The following TMEM132B variants were observed in gnomAD, a reference collection of about 807,000 sequenced individuals.
The protein encoded by TMEM132B is transmembrane protein 132B.
TMEM132B carries 18 observed loss-of-function variants against 90.8 expected under a neutral mutation model. The observed-to-expected ratio is 0.20, with a 90% CI of 0.14 to 0.29. The LOEUF (loss-of-function observed/expected upper bound fraction) is 0.29. TMEM132B is among the 10% of genes least tolerant of loss of function. The pLI, the probability that TMEM132B is intolerant of heterozygous loss-of-function variation, is 1.00. For missense variants in TMEM132B, 1,096 were observed against 1,326.8 expected, an observed-to-expected ratio of 0.83 and a Z score of 2.70; for synonymous variants, 504 against 523.3, an observed-to-expected ratio of 0.96 and a Z score of 0.50.
chr12:125,515,711 T>A, intron 3 of TMEM132B, among the ~76,000 whole-genome samples: 1 of 150,980 alleles, frequency 6.6e-6, no homozygotes, highest in East Asian at 2.0e-4. Context: ...ACACAACACA[T>A]TCACACGTTC....
chr12:125,403,844 C>T (rs1429131743), intron 2 of TMEM132B, among the ~76,000 whole-genome samples: 1 of 152,170 alleles, frequency 6.6e-6, no homozygotes, highest in African/African-American at 2.4e-5. Flanking sequence ...CTTAGTTGAC[C>T]AGCTAAGCCC....
intron 1 of TMEM132B, among the ~76,000 whole-genome samples, chr12:125,214,130 G>A (rs1571887): frequency 0.03 from 4,501 of 152,270 alleles, 221 homozygotes; most frequent in African/African-American, 0.1. Flanking sequence ...TCAGGAGGAG[G>A]TGTTAGGACT....
intron 1 of TMEM132B, among the ~76,000 whole-genome samples, chr12:125,298,242 C>T (rs866028569): frequency 4.8e-4 from 72 of 151,124 alleles, no homozygotes; most frequent in African/African-American, 1.5e-3. Flanking sequence ...AGAGTGAGAC[C>T]CTGTCTCCAA....
intron 5 of TMEM132B, among the ~76,000 whole-genome samples, chr12:125,642,663 G>T (rs983499287): frequency 6.6e-6 from 1 of 152,182 alleles, no homozygotes; most frequent in African/African-American, 2.4e-5. Flanking sequence ...TCATTGCTTT[G>T]TGGACTGGGA....
intron 1 of TMEM132B, among the ~76,000 whole-genome samples, chr12:125,287,641 A>C (rs1875399002): frequency 6.6e-6 from 1 of 152,194 alleles, no homozygotes. Context: ...CAAACCACAG[A>C]ATGATGCAAA....
At chr12:125,346,936 T>A (rs1287458882) in intron 1 of TMEM132B, among the ~76,000 whole-genome samples, 1 of 152,268 alleles carries the variant, frequency 6.6e-6, no homozygotes, top group African/African-American at 2.4e-5. Context: ...ATAGTGTGGC[T>A]TAAATCACTT....
At chr12:125,241,129 CAAAA>C (rs1874055523) in intron 1 of TMEM132B, among the ~76,000 whole-genome samples, 1 of 151,958 alleles carries the variant, frequency 6.6e-6, no homozygotes, top group African/African-American at 2.4e-5. Context: ...CAGAGGATGA[CAAAA>C]GAAACCAATT....
At chr12:125,267,793 G>T (rs971777335) in intron 1 of TMEM132B, among the ~76,000 whole-genome samples, 1 of 152,088 alleles carries the variant, frequency 6.6e-6, no homozygotes, top group Non-Finnish European at 1.5e-5. Context: ...TTGATTTCTC[G>T]AGAGAAGCTA....
At chr12:125,481,575 A>G (rs904188045) in intron 3 of TMEM132B, among the ~76,000 whole-genome samples, 3 of 152,232 alleles carry the variant, frequency 2.0e-5, no homozygotes, top group African/African-American at 7.2e-5. Flanking sequence ...AAGGAGAACT[A>G]CAAACCACTG....
At chr12:125,216,900 C>T (rs1265940078) in intron 1 of TMEM132B, among the ~76,000 whole-genome samples, 2 of 152,316 alleles carry the variant, frequency 1.3e-5, no homozygotes, top group Admixed American at 1.3e-4. Context: ...ATGCCTCCTG[C>T]GTGGCTGGGC....
chr12:125,650,967 T>C lies in TMEM132B; in HGVS notation c.1914+14T>C, dbSNP rs746900266. On this transcript the variant is annotated intron_variant, in intron 7 of 8. Transcript: ENST00000682704. ...ACCACGGTGCAGGTACACGCCGCCA[T>C]GCCTTGCCCAACAGCAGTCTGTGTT... The C allele has an allele frequency of 6.2e-7, 1 of 1,611,318 alleles. No individual in the cohort carries two copies. The highest frequency in any genetic ancestry group is 1.1e-5 in the South Asian group (1 of 90,938).
At chr12:125,537,327 T>C (rs1335286121) in intron 4 of TMEM132B, among the ~76,000 whole-genome samples, 1 of 152,200 alleles carries the variant, frequency 6.6e-6, no homozygotes, top group Non-Finnish European at 1.5e-5. Context: ...TAGGATAAAT[T>C]TCCAAAAGCA....
At chr12:125,381,469 A>T (rs537962983) in intron 2 of TMEM132B, among the ~76,000 whole-genome samples, 1 of 152,282 alleles carries the variant, frequency 6.6e-6, no homozygotes, top group Admixed American at 6.5e-5. Context: ...GAAAATGGGG[A>T]GGCTAAAGAG....
At chr12:125,399,483 ATGTGTGTGTGTGTGTGTGTG>A (rs1555246075) in intron 2 of TMEM132B, among the ~76,000 whole-genome samples, 1 of 69,852 alleles carries the variant, frequency 1.4e-5, no homozygotes, top group South Asian at 4.2e-4. Context: ...GTGTGTGTGT[ATGTGTGTGTGTGTGTGTGTG>A]TGTGTGTGTG....
chr12:125,535,309 G>A (rs370756812), intron 4 of TMEM132B, among the ~76,000 whole-genome samples: 3 of 152,138 alleles, frequency 2.0e-5, no homozygotes, highest in Admixed American at 6.5e-5. Flanking sequence ...TCACTTTAAT[G>A]AGATCCTGAG....
chr12:125,205,710 T>G (rs1873167569), intron 1 of TMEM132B, among the ~76,000 whole-genome samples: 1 of 152,246 alleles, frequency 6.6e-6, no homozygotes, highest in Non-Finnish European at 1.5e-5. Flanking sequence ...TTCTGTGGGC[T>G]TCAGTGTGAG....
intron 1 of TMEM132B, among the ~76,000 whole-genome samples, chr12:125,348,851 G>A (rs1172970290): frequency 6.6e-6 from 1 of 152,202 alleles, no homozygotes. Context: ...CTAAATGATG[G>A]TGTGGTGAAC....
chr12:125,474,011 TTTCCTTCCTTCCTTCTTTCC>T lies in TMEM132B; in HGVS notation c.1107-45412_1107-45393del, dbSNP rs1021936037. On this transcript the variant is annotated intron_variant, in intron 3 of 8. Coordinates refer to ENST00000682704, the MANE Select transcript of TMEM132B (RefSeq NM_001366854.1). The stretch of plus-strand genomic sequence containing the variant: ...AACTAATTCCAAGATTGAGCTCACC[TTTCCTTCCTTCCTTCTTTCC>T]TTCCTTCCTTCCTTCCTTCTTTCTT... Among the ~76,000 whole-genome samples the T allele has an allele frequency of 6.6e-5, 10 of 150,478 alleles. No individual in the cohort carries two copies. The East Asian group carries it at 7.8e-4, about 12-fold the overall frequency.
intron 4 of TMEM132B, among the ~76,000 whole-genome samples, chr12:125,561,794 G>A (rs1346480028): frequency 1.3e-5 from 2 of 151,998 alleles, no homozygotes; most frequent in South Asian, 2.1e-4. Flanking sequence ...TATCATCCGG[G>A]CTTTGTTGTT....
Sources: gnomAD v4.1 joint callset for allele counts (sites outside exome capture counted in the v4.1 genomes callset) on GRCh38, gnomAD v4.1.1 for gene constraint, MANE v1.5 for transcripts, NCBI Gene and HGNC (gene_info 2026-07-23, HGNC 2026-07-21) for gene names.